Variants in CBLB observed in about 807,000 individuals in gnomAD.
CBLB encodes E3 ubiquitin-protein ligase CBL-B.
In CBLB, 31 loss-of-function variants were observed where a neutral mutation model predicts 104.9. The observed-to-expected ratio is 0.30, with a 90% CI of 0.22 to 0.40. CBLB has a LOEUF of 0.40. CBLB is among the 10% of genes least tolerant of loss of function. The pLI is 1.00. For missense variants in CBLB, 1,062 were observed against 1,214.6 expected, an observed-to-expected ratio of 0.87 and a Z score of 1.87; for synonymous variants, 440 against 422.6, an observed-to-expected ratio of 1.04 and a Z score of -0.51.
chr3:105,834,878 A>G (rs1469506882), intron 3 of CBLB, among the ~76,000 whole-genome samples: 2 of 152,198 alleles, frequency 1.3e-5, no homozygotes, highest in African/African-American at 4.8e-5. Flanking sequence ...GAAATGCTGC[A>G]GTCTCAAAGG....
intron 4 of CBLB, among the ~76,000 whole-genome samples, chr3:105,759,520 C>T (rs532059495): frequency 2.6e-4 from 39 of 152,324 alleles, no homozygotes; most frequent in African/African-American, 8.2e-4. Context: ...TGCGGAGCTA[C>T]CCTCAGCCCA....
rs1576192362 is a variant in CBLB, at chr3:105,670,320, G to A, written c.2602C>T (p.Pro868Ser). 6.2e-7 allele frequency: 1 copy of A among 1,609,408 alleles called. No individual in the cohort carries two copies. The highest frequency in any genetic ancestry group is 2.2e-5 in the East Asian group (1 of 44,778). The change falls in exon 18 of 19, where the codon CCT (proline) becomes TCT (serine). Residue 868 changes from proline (P) to serine (S), a missense_variant. Transcript: ENST00000394030. ...GGTAACCTTCTAGCAGGAGGCAAAGGAACTTGGCCACTTGCTAGATCAACA... is the reference window on the plus strand; with the variant it reads ...GGTAACCTTCTAGCAGGAGGCAAAGAAACTTGGCCACTTGCTAGATCAACA... ...PFVDLASGQVPLPPARRLPGE... is the reference protein window; with the variant it reads ...PFVDLASGQVSLPPARRLPGE...
intron 18 of CBLB, among the ~76,000 whole-genome samples, chr3:105,662,604 T>C (rs2063896590): frequency 6.6e-6 from 1 of 152,180 alleles, no homozygotes; most frequent in Non-Finnish European, 1.5e-5. Context: ...TATAAGGTCA[T>C]TAATATTTTA....
At chr3:105,705,220 G>A (rs2069898385) in intron 10 of CBLB, among the ~76,000 whole-genome samples, 1 of 152,174 alleles carries the variant, frequency 6.6e-6, no homozygotes, top group African/African-American at 2.4e-5. Flanking sequence ...GTCATCATTT[G>A]ACAATTTAAT....
chr3:105,745,851 G>C, intron 6 of CBLB, 66 bp downstream of exon 6: 2 of 1,491,862 alleles, frequency 1.3e-6, no homozygotes, highest in Non-Finnish European at 1.9e-6. Flanking sequence ...ACTTACTTAG[G>C]AACAAACCAT....
chr3:105,771,053 C>T (rs1028577593), intron 4 of CBLB, among the ~76,000 whole-genome samples: 2 of 152,118 alleles, frequency 1.3e-5, no homozygotes, highest in African/African-American at 4.8e-5. Flanking sequence ...TTCTATGAAG[C>T]CACTACCATG....
chr3:105,663,564 C>G (rs535165746), intron 18 of CBLB, among the ~76,000 whole-genome samples: 2 of 152,252 alleles, frequency 1.3e-5, no homozygotes, highest in East Asian at 1.9e-4. Context: ...TTTATGAGAA[C>G]AGTTTGCTGT....
intron 3 of CBLB, among the ~76,000 whole-genome samples, chr3:105,810,372 T>C (rs1306055510): frequency 6.6e-6 from 1 of 152,166 alleles, no homozygotes; most frequent in East Asian, 1.9e-4. Flanking sequence ...ATTTTTTGTG[T>C]GTGTGAACCA....
intron 3 of CBLB, among the ~76,000 whole-genome samples, chr3:105,786,372 A>C (rs1267269461): frequency 3.9e-5 from 6 of 152,110 alleles, no homozygotes; most frequent in Non-Finnish European, 8.8e-5. Context: ...AGATGTGCCT[A>C]CTGGAGACAG....
At chr3:105,841,079 A>C (rs2089469945) in intron 3 of CBLB, among the ~76,000 whole-genome samples, 1 of 152,118 alleles carries the variant, frequency 6.6e-6, no homozygotes, top group Non-Finnish European at 1.5e-5. Flanking sequence ...AGATCACCTA[A>C]GGTCAGGAGT....
At chr3:105,739,465 A>C (rs2152875626) in intron 7 of CBLB, among the ~76,000 whole-genome samples, 1 of 152,294 alleles carries the variant, frequency 6.6e-6, no homozygotes, top group African/African-American at 2.4e-5. Flanking sequence ...AAGTGCACTG[A>C]GAATACAAGG....
intron 10 of CBLB, among the ~76,000 whole-genome samples, chr3:105,705,511 A>G (rs767469240): frequency 2.8e-4 from 42 of 152,332 alleles, no homozygotes; most frequent in Non-Finnish European, 5.9e-4. Flanking sequence ...TTTGTAAAGT[A>G]CTGGTTAGAG....
intron 4 of CBLB, among the ~76,000 whole-genome samples, chr3:105,773,146 T>C (rs545902429): frequency 5.0e-4 from 76 of 152,264 alleles, no homozygotes; most frequent in Admixed American, 1.5e-3. Flanking sequence ...TAAGTGCACA[T>C]AGACCAACAA....
intron 3 of CBLB, among the ~76,000 whole-genome samples, chr3:105,814,289 T>C (rs2084713366): frequency 6.6e-6 from 1 of 152,266 alleles, no homozygotes; most frequent in African/African-American, 2.4e-5. Flanking sequence ...AGAACCCAGA[T>C]AAGAGGATTT....
chr3:105,662,363 A>G (rs539139319), intron 18 of CBLB, among the ~76,000 whole-genome samples: 21 of 152,342 alleles, frequency 1.4e-4, no homozygotes, highest in African/African-American at 5.1e-4. Flanking sequence ...TTGGGAGCAC[A>G]CTGAAATAAC....
chr3:105,819,348 G>T (rs1049567559), intron 3 of CBLB, among the ~76,000 whole-genome samples: 2 of 152,066 alleles, frequency 1.3e-5, no homozygotes, highest in Non-Finnish European at 2.9e-5. Flanking sequence ...TTAGCCAGGC[G>T]TGGTGGCACA....
rs1348522678 is a variant in CBLB, at chr3:105,658,085, G to A, written c.*885C>T. ...AAAGTAATGCAGGCATAAGTATCAG[G>A]GGACCTTGTTATATAACTTCAGTAC... On this transcript the variant is annotated 3_prime_UTR_variant, in exon 19 of 19. Coordinates refer to ENST00000394030, the MANE Select transcript of CBLB (RefSeq NM_170662.5). 9.2e-6 allele frequency: 2 copies of A among 217,144 alleles called. No homozygotes were observed. Among genetic ancestry groups the A allele is most frequent in the Non-Finnish European group, 1.9e-5 (2 of 107,980 alleles). 13.5% of individuals were successfully genotyped at this position (217,144 alleles called of 1,614,324 possible). A position where few individuals can be genotyped will look rare whatever the true frequency, so the allele number is the denominator to read the frequency against.
intron 9 of CBLB, among the ~76,000 whole-genome samples, chr3:105,721,017 A>T (rs572893735): frequency 6.6e-6 from 1 of 152,368 alleles, no homozygotes; most frequent in Admixed American, 6.5e-5. Context: ...TACATTAAAA[A>T]TTCACAATTT....
intron 4 of CBLB, among the ~76,000 whole-genome samples, chr3:105,755,016 CTTTTT>C (rs67405809): frequency 7.0e-6 from 1 of 143,832 alleles, no homozygotes; most frequent in African/African-American, 2.6e-5. Flanking sequence ...AGTATCTTTT[CTTTTT>C]TTTTTTTTTT....
Sources: allele counts gnomAD v4.1 joint callset (sites outside exome capture counted in the v4.1 genomes callset), GRCh38; gene constraint gnomAD v4.1.1; transcripts MANE v1.5; gene names NCBI Gene and HGNC (gene_info 2026-07-23, HGNC 2026-07-21).